The following LTF variants were observed in gnomAD, a reference collection of about 807,000 sequenced individuals.
The protein encoded by LTF is epididymis luminal protein 110.
LTF carries 91 observed loss-of-function variants against 87.2 expected under a neutral mutation model. The observed-to-expected ratio is 1.04, with a 90% CI of 0.88 to 1.24. The LOEUF is 1.24. Ranked by LOEUF, LTF falls within the 50% of genes most tolerant of loss-of-function variation. LTF has a pLI of 0.00. For synonymous variants in LTF, 378 were observed against 356.1 expected, an observed-to-expected ratio of 1.06 and a Z score of -0.69; for missense variants, 901 against 904.3, an observed-to-expected ratio of 1.00 and a Z score of 0.05.
Position 46,450,538 on chromosome 3 carries a change from T to C in LTF, c.839A>G (p.Asn280Ser). Reference protein sequence around the residue: ...PSHAVVARSVNGKEDAIWNLL... With the variant: ...PSHAVVARSVSGKEDAIWNLL... ...ATTCCAGATGGCATCCTCCTTGCCA[T>C]TCACACTTCGTGCCACAACGGCATG... The change falls in exon 7 of 17, where the codon AAT (asparagine) becomes AGT (serine). Residue 280 changes from asparagine (N) to serine (S), a missense_variant. Coordinates refer to ENST00000231751, the MANE Select transcript of LTF (RefSeq NM_002343.6). 1 of 1,614,038 alleles carries C rather than the reference T, an allele frequency of 6.2e-7. No individual in the cohort carries two copies. The highest frequency in any genetic ancestry group is 8.5e-7 in the Non-Finnish European group (1 of 1,180,048).
At chr3:46,478,890 C>T (rs1420186616) in intron 1 of LTF, among the ~76,000 whole-genome samples, 2 of 152,210 alleles carry the variant, frequency 1.3e-5, no homozygotes, top group South Asian at 2.1e-4. Flanking sequence ...GGGCGTGTGG[C>T]CTGCTCAGAC....
chr3:46,454,880 T>A (rs1702888050), intron 5 of LTF, among the ~76,000 whole-genome samples: 1 of 152,170 alleles, frequency 6.6e-6, no homozygotes, highest in African/African-American at 2.4e-5. Flanking sequence ...CAGAAGGACA[T>A]CAGCCTGGAC....
At chr3:46,476,000 T>A (rs1703356039) in intron 1 of LTF, among the ~76,000 whole-genome samples, 1 of 152,258 alleles carries the variant, frequency 6.6e-6, no homozygotes, top group African/African-American at 2.4e-5. Flanking sequence ...TGTGAGATCA[T>A]CCTTTAATTC....
Position 46,446,449 on chromosome 3 carries a change from G to T in LTF, c.1348C>A (p.Pro450Thr), listed in dbSNP as rs1229558510. 1.9e-6 allele frequency: 3 copies of T among 1,613,146 alleles called. No homozygotes were observed. Among genetic ancestry groups the T allele is most frequent in the Admixed American group, 3.3e-5 (2 of 59,926 alleles). Residue 450 changes from proline to threonine, a missense_variant, in exon 11 of 17, where the codon CCT (proline) becomes ACT (threonine). By Grantham distance (38) the Pro-to-Thr change is conservative. Coordinates refer to ENST00000231751, the MANE Select transcript of LTF (RefSeq NM_002343.6). The stretch of plus-strand genomic sequence containing the variant: ...GCTAATGCCAACTCACCTTCCACAG[G>T]TCTATCCACACAGTTAGGATCAGGG... The part of the protein sequence containing the change: ...SDPDPNCVDR[P>T]VEGYLAVAVV...
intron 1 of LTF, among the ~76,000 whole-genome samples, chr3:46,473,402 C>T (rs1202354374): frequency 1.3e-5 from 2 of 152,194 alleles, no homozygotes; most frequent in African/African-American, 4.8e-5. Flanking sequence ...GTCCAACTTC[C>T]AGTTCTGGAT....
intron 1 of LTF, among the ~76,000 whole-genome samples, chr3:46,482,531 AAGG>A: frequency 1.1e-5 from 1 of 89,226 alleles, no homozygotes; most frequent in Non-Finnish European, 2.1e-5. Flanking sequence ...AAGGGAAGGG[AAGG>A]GAAGGGAAGG....
chr3:46,454,414 C>T, intron 5 of LTF, 54 bp from the exon 6 acceptor site: 1 of 1,422,162 alleles, frequency 7.0e-7, no homozygotes, highest in Non-Finnish European at 1.0e-6. Flanking sequence ...CCCAGCCCCT[C>T]CCTGTGGAAC....
chr3:46,478,141 C>G (rs530343540), intron 1 of LTF, among the ~76,000 whole-genome samples: 5 of 152,184 alleles, frequency 3.3e-5, no homozygotes, highest in Non-Finnish European at 7.3e-5. Context: ...TCTTTTATGA[C>G]GTCCACTTCT....
At chr3:46,438,239 G>A (rs1374852376) in intron 15 of LTF, 110 bp from the exon 16 acceptor site, 2 of 890,856 alleles carry the variant, frequency 2.2e-6, no homozygotes, top group East Asian at 2.4e-5. Context: ...AAAACCATGG[G>A]GCAGAAGGAG....
Position 46,450,605 on chromosome 3 carries a change from C to G in LTF, c.772G>C (p.Val258Leu). ...AGATGGCAGTCTTTGAACTTGTCCA[C>G]TGGCTTCCGAGTGTTGTCTGGGCAG... Reference protein sequence around the residue: ...LLCPDNTRKPVDKFKDCHLAR... With the variant: ...LLCPDNTRKPLDKFKDCHLAR... Residue 258 changes from valine to leucine, a missense_variant, in exon 7 of 17, where the codon GTG (valine) becomes CTG (leucine). Coordinates refer to ENST00000231751, the MANE Select transcript of LTF (RefSeq NM_002343.6). The G allele has an allele frequency of 6.2e-7, 1 of 1,614,216 alleles. No homozygotes were observed. Among genetic ancestry groups the G allele is most frequent in the Non-Finnish European group, 8.5e-7 (1 of 1,180,034 alleles).
At chr3:46,470,085 G>C (rs1575326653) in intron 2 of LTF, among the ~76,000 whole-genome samples, 1 of 152,266 alleles carries the variant, frequency 6.6e-6, no homozygotes, top group South Asian at 2.1e-4. Context: ...CAGTGGGCAA[G>C]GGGCAGTGGA....
intron 6 of LTF, among the ~76,000 whole-genome samples, chr3:46,451,694 A>C (rs1702807494): frequency 6.6e-6 from 1 of 152,184 alleles, no homozygotes; most frequent in Non-Finnish European, 1.5e-5. Context: ...TCCTGGAGTC[A>C]AGAGATTCTC....
At chr3:46,437,660 C>A (rs1702416397) in intron 16 of LTF, among the ~76,000 whole-genome samples, 1 of 152,106 alleles carries the variant, frequency 6.6e-6, no homozygotes, top group South Asian at 2.1e-4. Context: ...ATATATGCAC[C>A]TTTCATTTTA....
chr3:46,482,660 G>GA (rs1166661634), intron 1 of LTF, among the ~76,000 whole-genome samples: 2,815 of 43,660 alleles, frequency 0.064, 91 homozygotes, highest in Non-Finnish European at 0.078. Flanking sequence ...AAGAAAGAAA[G>GA]AAGGAAGGAA....
intron 13 of LTF, 125 bp downstream of exon 13, chr3:46,443,316 G>C (rs1702567767): frequency 4.2e-6 from 5 of 1,194,812 alleles, no homozygotes; most frequent in Non-Finnish European, 6.1e-6. Context: ...CCACCCATGA[G>C]CTGACCCACA....
In LTF at chr3:46,482,541, AAGGGAAGGG is replaced by A. The variant is rs1559614506; in HGVS notation, c.-320+2436_-320+2444del. Among the ~76,000 whole-genome samples, 78 of 93,888 alleles carry A rather than the reference AAGGGAAGGG, an allele frequency of 8.3e-4. 8 individuals carry two copies. Among genetic ancestry groups the A allele is most frequent in the South Asian group, 5.0e-3 (12 of 2,406 alleles). 61.6% of individuals were successfully genotyped at this position (93,888 alleles called of 152,430 possible). A position where few individuals can be genotyped will look rare whatever the true frequency, so the allele number is the denominator to read the frequency against. The stretch of plus-strand genomic sequence containing the variant: ...AAGGGAAGGGAAGGGAAGGGAAGGG[AAGGGAAGGG>A]AAGGGAAGGGAAGGGAAGGGAAAGG... On this transcript the variant is annotated intron_variant, in intron 1 of 19. Coordinates refer to the LTF transcript ENST00000443496.
At chr3:46,448,539 T>C (rs913465607) in intron 9 of LTF, among the ~76,000 whole-genome samples, 2 of 152,202 alleles carry the variant, frequency 1.3e-5, no homozygotes, top group African/African-American at 4.8e-5. Context: ...TTAGCCAGAC[T>C]TTAACCATGT....
chr3:46,441,192 T>TGTGTGA (rs1553661489), intron 14 of LTF, among the ~76,000 whole-genome samples: 25 of 151,794 alleles, frequency 1.6e-4, no homozygotes, highest in South Asian at 1.0e-3. Context: ...TGTGTGTGTG[T>TGTGTGA]GAGAGAAAGA....
chr3:46,450,462 C>G (rs1014251160), intron 7 of LTF, 33 bp downstream of exon 7: 2 of 1,580,236 alleles, frequency 1.3e-6, no homozygotes, highest in African/African-American at 2.7e-5. Context: ...CCCCCATATC[C>G]AAGCAAGTGG....
Sources: allele counts gnomAD v4.1 joint callset (sites outside exome capture counted in the v4.1 genomes callset), GRCh38; gene constraint gnomAD v4.1.1; transcripts MANE v1.5; gene names NCBI Gene and HGNC (gene_info 2026-07-23, HGNC 2026-07-21).